EGLN3: variants seen among roughly 807,000 people sequenced by gnomAD.
The protein encoded by EGLN3 is prolyl hydroxylase EGLN3.
Under a neutral mutation model 26.0 loss-of-function variants are expected in EGLN3, and 15 were observed. The observed-to-expected ratio is 0.58, with a 90% CI of 0.39 to 0.89. The LOEUF is 0.89. Ranked by LOEUF, EGLN3 falls within the 40% of genes least tolerant of loss-of-function variation. The probability of loss-of-function intolerance (pLI) is 0.00; values close to 1 mark genes in which losing one functional copy is unlikely to be tolerated. For missense variants in EGLN3, 238 were observed against 311.6 expected, an observed-to-expected ratio of 0.76 and a Z score of 1.78; for synonymous variants, 147 against 127.2, an observed-to-expected ratio of 1.16 and a Z score of -1.05.
At chr14:33,939,299 C>T (rs1486279280) in intron 1 of EGLN3, among the ~76,000 whole-genome samples, 2 of 152,064 alleles carry the variant, frequency 1.3e-5, no homozygotes, top group Admixed American at 6.6e-5. Context: ...CAAGCTCTGC[C>T]TCCCGGGTTC....
rs1201151539 is a variant in EGLN3, at chr14:33,926,028, ATATAAGCCTCC to A, written c.689-117_689-107del. ...GCCTCCAGTAAACACTTCCCATCTT[ATATAAGCCTCC>A]TAATAGAGCTCTGCCAAAGGATTCT... On this transcript the variant is annotated intron_variant, in intron 4 of 4. Transcript: ENST00000250457. The A allele has an allele frequency of 5.6e-6, 6 of 1,062,340 alleles. No individual in the cohort carries two copies. The African/African-American group carries it at 9.4e-5, about 17-fold the overall frequency. 65.8% of individuals were successfully genotyped at this position (1,062,340 alleles called of 1,614,324 possible). A position where few individuals can be genotyped will look rare whatever the true frequency, so the allele number is the denominator to read the frequency against.
In EGLN3 at chr14:33,950,808, T is replaced by G; in HGVS notation, c.-56A>C. ...CAGCGTGCAACCAGAGAGGGAACGA[T>G]CTACACGAGCGCGAAGCCGAGGCGC... On this transcript the variant is annotated 5_prime_UTR_variant, in exon 1 of 5. Coordinates refer to ENST00000250457, the MANE Select transcript of EGLN3 (RefSeq NM_022073.4). 6.8e-7 allele frequency: 1 copy of G among 1,479,808 alleles called. No individual in the cohort carries two copies. 91.7% of individuals were successfully genotyped at this position (1,479,808 alleles called of 1,614,324 possible). A position where few individuals can be genotyped will look rare whatever the true frequency, so the allele number is the denominator to read the frequency against.
chr14:33,927,152 G>GATTT (rs59342816), intron 3 of EGLN3, 119 bp from the exon 4 acceptor site: 49,316 of 182,110 alleles, frequency 0.27, 7,577 homozygotes, highest in Admixed American at 0.39. Context: ...AGTCTACCCT[G>GATTT]ATTTATTTAT....
chr14:33,950,725 C>A lies in EGLN3; in HGVS notation c.28G>T (p.Asp10Tyr), dbSNP rs1051073829. 1 of 1,613,550 alleles carries A rather than the reference C, an allele frequency of 6.2e-7. No homozygotes were observed. Among genetic ancestry groups the A allele is most frequent in the African/African-American group, 1.3e-5 (1 of 74,928 alleles). MPLGHIMRL[D>Y]LEKIALEYIV... is the part of the protein sequence containing the mutation. ...TACTCCAGGGCAATTTTCTCCAGGTCCAGCCTCATGATGTGTCCCAGGGGC... is the reference window on the plus strand; with the variant it reads ...TACTCCAGGGCAATTTTCTCCAGGTACAGCCTCATGATGTGTCCCAGGGGC... Residue 10 changes from aspartate to tyrosine, a missense_variant, in exon 1 of 5, where the codon GAC becomes TAC. Asp to Tyr is a radical substitution (Grantham distance 160). Transcript: ENST00000250457.
chr14:33,946,633 G>A (rs75859619), intron 1 of EGLN3, among the ~76,000 whole-genome samples: 4,381 of 152,220 alleles, frequency 0.029, 227 homozygotes, highest in African/African-American at 0.099. Flanking sequence ...ATGAAAGGTC[G>A]GAAGTAGGAG....
At chr14:33,938,386 G>A (rs897861656) in intron 1 of EGLN3, among the ~76,000 whole-genome samples, 4 of 152,216 alleles carry the variant, frequency 2.6e-5, no homozygotes, top group Non-Finnish European at 5.9e-5. Context: ...AAACAGGCCC[G>A]GCAACATCGC....
chr14:33,935,124 T>A (rs1204965112), intron 1 of EGLN3, among the ~76,000 whole-genome samples: 4 of 152,218 alleles, frequency 2.6e-5, no homozygotes, highest in Non-Finnish European at 5.9e-5. Flanking sequence ...TGCATTTAGC[T>A]CATTTACACC....
rs45570637 is a variant in EGLN3 at position 33,929,099 on chromosome 14, T to C, written c.591A>G (p.Glu197=). 14,945 of 1,614,086 alleles carry C rather than the reference T, an allele frequency of 9.3e-3. 105 individuals carry two copies. The highest frequency in any genetic ancestry group is 0.013 in the Middle Eastern group (79 of 6,006). ...FFWSDRRNPH[E]VQPSYATRYA... The stretch of plus-strand genomic sequence containing the variant: ...ACCTGGTTGCGTAAGAGGGCTGCAC[T>C]TCGTGTGGGTTCCTACGATCTGACC... The change falls in exon 3 of 5, where the codon GAA becomes GAG. Residue 197 remains glutamate, a synonymous_variant. Coordinates refer to ENST00000250457, the MANE Select transcript of EGLN3 (RefSeq NM_022073.4).
chr14:33,947,918 C>T (rs1057208552), intron 1 of EGLN3, among the ~76,000 whole-genome samples: 4 of 151,992 alleles, frequency 2.6e-5, no homozygotes, highest in Non-Finnish European at 4.4e-5. Context: ...GGCAGGGTGG[C>T]GTGCCTGTGG....
intron 1 of EGLN3, among the ~76,000 whole-genome samples, chr14:33,936,876 C>T (rs2064447111): frequency 1.3e-5 from 2 of 151,434 alleles, no homozygotes; most frequent in South Asian, 4.2e-4. Context: ...CATTATTTTC[C>T]ACTTGGCTCT....
At chr14:33,936,221 T>A (rs12895153) in intron 1 of EGLN3, among the ~76,000 whole-genome samples, 2 of 151,638 alleles carry the variant, frequency 1.3e-5, no homozygotes, top group South Asian at 4.2e-4. Context: ...CAGAGCGAGA[T>A]GCTGTCTCAA....
intron 2 of EGLN3, among the ~76,000 whole-genome samples, 168 bp downstream of exon 2, chr14:33,930,928 C>T (rs2064398516): frequency 6.6e-6 from 1 of 152,206 alleles, no homozygotes; most frequent in Non-Finnish European, 1.5e-5. Context: ...TTCTTAACAA[C>T]TTTAGGACTA....
intron 2 of EGLN3, 73 bp downstream of exon 2, chr14:33,931,021 ACT>A (rs2064399248): frequency 1.3e-6 from 2 of 1,584,546 alleles, no homozygotes; most frequent in Non-Finnish European, 1.7e-6. Context: ...CTCAATATAA[ACT>A]CTCCTCTAAG....
Position 33,925,446 on chromosome 14 carries a change from C to T in EGLN3, c.*445G>A, listed in dbSNP as rs548982655. The T allele has an allele frequency of 6.1e-6, 1 of 162,788 alleles. No individual in the cohort carries two copies. The highest frequency in any genetic ancestry group is 2.4e-5 in the African/African-American group (1 of 41,550). The allele number at this position is 162,788 out of a possible 1,614,324, so 10.1% of individuals were successfully genotyped here. A position where few individuals can be genotyped will look rare whatever the true frequency, so the allele number is the denominator to read the frequency against. On this transcript the variant is annotated 3_prime_UTR_variant, in exon 5 of 5. Coordinates refer to ENST00000250457, the MANE Select transcript of EGLN3 (RefSeq NM_022073.4). ...ACATCTGGAAATTGTTCAGATGACA[C>T]AAATTTCTCTGTTTCCTGCTGTTAA... is the stretch of plus-strand genomic sequence containing the variant.
At chr14:33,940,474 G>T (rs745707226) in intron 1 of EGLN3, among the ~76,000 whole-genome samples, 1 of 151,846 alleles carries the variant, frequency 6.6e-6, no homozygotes. Context: ...AGGAAGATAC[G>T]CCACCATCCC....
chr14:33,940,910 C>T (rs947997436), intron 1 of EGLN3, among the ~76,000 whole-genome samples: 1 of 152,120 alleles, frequency 6.6e-6, no homozygotes, highest in African/African-American at 2.4e-5. Flanking sequence ...TGGGCTCTGC[C>T]TCTGAGGATT....
chr14:33,950,334 G>A (rs889560661), intron 1 of EGLN3, 62 bp downstream of exon 1: 4 of 1,491,542 alleles, frequency 2.7e-6, no homozygotes, highest in Non-Finnish European at 3.7e-6. Context: ...GACATACAAC[G>A]GACTCCGAGT....
intron 1 of EGLN3, among the ~76,000 whole-genome samples, chr14:33,939,256 G>A (rs576511806): frequency 3.0e-4 from 45 of 151,560 alleles, no homozygotes; most frequent in African/African-American, 1.1e-3. Context: ...TGTCACCCAG[G>A]CTGGAGTGCA....
Position 33,950,243 on chromosome 14 carries a change from G to A in EGLN3, c.357+153C>T, listed in dbSNP as rs771435288. ...TCGCTCAGAGGAGCTGGGGCGAGGG[G>A]TGGGGGGAAGCAGCGAGTAGAGACA... On this transcript the variant is annotated intron_variant, in intron 1 of 4. Transcript: ENST00000250457. The A allele has an allele frequency of 1.4e-5, 10 of 730,402 alleles. No individual in the cohort carries two copies. The African/African-American group carries it at 1.4e-4, about 10-fold the overall frequency. The allele number at this position is 730,402 out of a possible 1,614,324, so 45.2% of individuals were successfully genotyped here.
Sources: gnomAD v4.1 joint callset for allele counts (sites outside exome capture counted in the v4.1 genomes callset) on GRCh38, gnomAD v4.1.1 for gene constraint, MANE v1.5 for transcripts, NCBI Gene and HGNC (gene_info 2026-07-23, HGNC 2026-07-21) for gene names.